Variants in CNIH3 observed in about 807,000 individuals in gnomAD.
CNIH3 encodes protein cornichon homolog 3.
Under a neutral mutation model 24.1 loss-of-function variants are expected in CNIH3, and 14 were observed. The ratio of observed to expected loss-of-function variants is 0.58; its 90% CI spans 0.38 to 0.91. The LOEUF is 0.91. Among genes scored for constraint, CNIH3 ranks in the 40% least tolerant of loss-of-function variants. CNIH3 has a pLI of 0.00. For synonymous variants in CNIH3, 68 were observed against 73.8 expected (o/e 0.92, Z 0.40); for missense variants, 178 against 196.8 (o/e 0.90, Z 0.57).
chr1:224,681,726 G>A (rs1214970282), intron 2 of CNIH3, among the ~76,000 whole-genome samples: 1 of 152,200 alleles, frequency 6.6e-6, no homozygotes, highest in South Asian at 2.1e-4. Context: ...TGTTTTGGCT[G>A]TTTGTTTCCC....
chr1:224,628,475 T>C (rs1450422561), intron 1 of CNIH3, among the ~76,000 whole-genome samples: 1 of 152,070 alleles, frequency 6.6e-6, no homozygotes, highest in Non-Finnish European at 1.5e-5. Flanking sequence ...ACCACCATTC[T>C]ACCTTGTCCC....
intron 2 of CNIH3, among the ~76,000 whole-genome samples, chr1:224,683,722 T>C (rs752009522): frequency 1.3e-5 from 2 of 152,238 alleles, no homozygotes; most frequent in African/African-American, 2.4e-5. Context: ...AGCTGGGCAT[T>C]CAGTATTACT....
chr1:224,547,407 A>G (rs1315793938), intron 3 of CNIH3, among the ~76,000 whole-genome samples: 1 of 151,914 alleles, frequency 6.6e-6, no homozygotes, highest in East Asian at 1.9e-4. Flanking sequence ...ATATCTGAAA[A>G]AAGATATTAC....
intron 3 of CNIH3, among the ~76,000 whole-genome samples, chr1:224,692,469 G>A (rs1034617057): frequency 8.5e-5 from 13 of 152,164 alleles, no homozygotes; most frequent in African/African-American, 2.9e-4. Context: ...GACATGATAC[G>A]TGAAAAGGGA....
At chr1:224,612,822 G>A (rs1682760350), upstream of CNIH3, among the ~76,000 whole-genome samples, 1 of 151,776 alleles carries the variant, frequency 6.6e-6, no homozygotes, top group East Asian at 1.9e-4. This position sits in a 1 kb window ranked among gnomAD's most constrained non-coding sequence, Gnocchi z 4.7. Context: ...GGTCCCAAAG[G>A]GACTCAGAAT....
At chr1:224,697,288 T>C (rs530038004) in intron 3 of CNIH3, among the ~76,000 whole-genome samples, 42 of 152,264 alleles carry the variant, frequency 2.8e-4, no homozygotes, top group Admixed American at 9.2e-4. Flanking sequence ...GGTTAAAAAA[T>C]CCTGCTGCCT....
At chr1:224,692,505 G>A (rs1686980033) in intron 3 of CNIH3, among the ~76,000 whole-genome samples, 1 of 152,170 alleles carries the variant, frequency 6.6e-6, no homozygotes, top group Non-Finnish European at 1.5e-5. Context: ...GCAGTTGTGT[G>A]GAGTGCCGTA....
intron 1 of CNIH3, among the ~76,000 whole-genome samples, chr1:224,449,616 CT>C (rs1675308882): frequency 6.6e-6 from 1 of 152,134 alleles, no homozygotes; most frequent in African/African-American, 2.4e-5. Context: ...CCACCTCAGC[CT>C]CCTGAGCTGG....
At position 224,442,013 on chromosome 1, in the gene CNIH3, AT is replaced by A. The variant is rs1167622615; in HGVS notation, n.203+7174del. 4.3e-3 allele frequency among the ~76,000 whole-genome samples: 515 copies of A among 119,986 alleles called. 1 individual carries two copies. The highest frequency in any genetic ancestry group is 8.9e-3 in the East Asian group (40 of 4,500). 78.7% of individuals were successfully genotyped at this position (119,986 alleles called of 152,430 possible). A position where few individuals can be genotyped will look rare whatever the true frequency, so the allele number is the denominator to read the frequency against. ...TTTGGGAGATTTATTGATTCCCTTAATTTTTTTTTTTTTTTTTTTTTTTGAG... is the reference window on the plus strand; with the variant it reads ...TTTGGGAGATTTATTGATTCCCTTAATTTTTTTTTTTTTTTTTTTTTTGAG... On this transcript the variant is annotated intron_variant and non_coding_transcript_variant, in intron 1 of 5. Coordinates refer to the CNIH3 transcript ENST00000471578.
intron 1 of CNIH3, among the ~76,000 whole-genome samples, chr1:224,475,986 ACAAAAACTATATGAT>A (rs1209493941): frequency 6.6e-6 from 1 of 152,250 alleles, no homozygotes; most frequent in East Asian, 1.9e-4. Flanking sequence ...AGAATGAAGG[ACAAAAACTATATGAT>A]CATTTAAGTT....
chr1:224,723,539 G>A (rs942295514), intron 3 of CNIH3, among the ~76,000 whole-genome samples: 3 of 152,234 alleles, frequency 2.0e-5, no homozygotes, highest in African/African-American at 7.2e-5. Flanking sequence ...CTCTGGGGCT[G>A]GAAGCAGCCC....
At chr1:224,699,327 G>A (rs1298918984) in intron 3 of CNIH3, among the ~76,000 whole-genome samples, 1 of 152,242 alleles carries the variant, frequency 6.6e-6, no homozygotes, top group East Asian at 1.9e-4. Flanking sequence ...TGAAACTGAT[G>A]TCTTGAGAGA....
intron 2 of CNIH3, among the ~76,000 whole-genome samples, chr1:224,528,797 T>C (rs947292791): frequency 6.6e-6 from 1 of 152,216 alleles, no homozygotes; most frequent in Non-Finnish European, 1.5e-5. Flanking sequence ...CTGAAACCTA[T>C]GAACAATAAT....
At chr1:224,541,521 A>G (rs1417323302), downstream of CNIH3, among the ~76,000 whole-genome samples, 1 of 152,224 alleles carries the variant, frequency 6.6e-6, no homozygotes, top group Admixed American at 6.5e-5. Context: ...GTGCATGCAT[A>G]TTAAAAATAA....
chr1:224,622,289 A>T (rs1052379865), intron 1 of CNIH3, among the ~76,000 whole-genome samples: 2 of 152,214 alleles, frequency 1.3e-5, no homozygotes, highest in African/African-American at 4.8e-5. Flanking sequence ...TGCAAAGAAG[A>T]CTGGCCATTG....
chr1:224,673,953 T>G (rs1685999913), intron 1 of CNIH3, among the ~76,000 whole-genome samples: 1 of 152,236 alleles, frequency 6.6e-6, no homozygotes, highest in African/African-American at 2.4e-5. Flanking sequence ...TCATTCATCA[T>G]GCAAGGTAAA....
intron 1 of CNIH3, among the ~76,000 whole-genome samples, chr1:224,497,788 T>C (rs1056249716): frequency 2.0e-5 from 3 of 152,208 alleles, no homozygotes; most frequent in African/African-American, 7.2e-5. Context: ...ACTATGACCC[T>C]GCAGTGAAGC....
At chr1:224,665,577 C>T (rs1476615977) in intron 1 of CNIH3, among the ~76,000 whole-genome samples, 1 of 152,176 alleles carries the variant, frequency 6.6e-6, no homozygotes, top group Non-Finnish European at 1.5e-5. Flanking sequence ...TTACCTGGAG[C>T]AGTACCTCCT....
intron 1 of CNIH3, among the ~76,000 whole-genome samples, chr1:224,495,240 C>G (rs1350665296): frequency 1.3e-5 from 2 of 152,186 alleles, no homozygotes; most frequent in African/African-American, 4.8e-5. Flanking sequence ...AGTCCTGATC[C>G]CAGCCCCCTT....
Sources: gnomAD v4.1 joint callset for allele counts (sites outside exome capture counted in the v4.1 genomes callset) on GRCh38, gnomAD v4.1.1 for gene constraint, Gnocchi (gnomAD v3.1) non-coding constraint, MANE v1.5 for transcripts, NCBI Gene and HGNC (gene_info 2026-07-23, HGNC 2026-07-21) for gene names.